The following CLEC4C variants were observed in gnomAD, a reference collection of about 807,000 sequenced individuals.
CLEC4C encodes C-type (calcium dependent, carbohydrate-recognition domain) lectin, superfamily member 11.
In CLEC4C, 17 loss-of-function variants were observed where a neutral mutation model predicts 27.7. That is an observed-to-expected ratio of 0.61 (90% CI 0.42 to 0.92). The LOEUF (loss-of-function observed/expected upper bound fraction) is 0.92. Among genes scored for constraint, CLEC4C ranks in the 40% least tolerant of loss-of-function variants. CLEC4C has a pLI of 0.00. For synonymous variants in CLEC4C, 80 were observed against 80.8 expected (o/e 0.99, Z 0.06); for missense variants, 244 against 257.3 (o/e 0.95, Z 0.35).
intron 2 of CLEC4C, 134 bp downstream of exon 2, chr12:7,746,197 G>C: frequency 1.7e-6 from 1 of 583,222 alleles, no homozygotes; most frequent in Non-Finnish European, 2.9e-6. Context: ...CTGGGCGACA[G>C]AGCGAGATTC....
At position 7,747,358 on chromosome 12, in the gene CLEC4C, G is replaced by A. The variant is rs766316781; in HGVS notation, c.-10C>T. On this transcript the variant is annotated 5_prime_UTR_variant, in exon 1 of 6. Transcript: ENST00000360345. ...CTTCTTCAGGCACCATTGTGTGTGC[G>A]CACACCCTTTGGACTTCCTCTATCA... is the stretch of plus-strand genomic sequence containing the variant. The A allele has an allele frequency of 1.1e-5, 17 of 1,613,614 alleles. No individual in the cohort carries two copies. The highest frequency in any genetic ancestry group is 6.7e-5 in the East Asian group (3 of 44,852).
chr12:7,730,738 A>G, intron 5 of CLEC4C, 59 bp downstream of exon 5: 1 of 818,532 alleles, frequency 1.2e-6, no homozygotes, highest in East Asian at 2.5e-5. Context: ...TAGCTGATGG[A>G]ACACCCTAAA....
chr12:7,747,439 G>A, upstream of CLEC4C: 1 of 1,371,082 alleles, frequency 7.3e-7, no homozygotes, highest in South Asian at 1.2e-5. Flanking sequence ...TTCGGGGTGT[G>A]GTTCTTTCAA....
At chr12:7,743,212 G>C (rs1287112866) in intron 2 of CLEC4C, among the ~76,000 whole-genome samples, 3 of 152,008 alleles carry the variant, frequency 2.0e-5, no homozygotes, top group East Asian at 1.9e-4. Flanking sequence ...TTTTTCCATA[G>C]TTTTCTGATG....
Position 7,729,684 on chromosome 12 carries a change from A to T in CLEC4C, c.554T>A (p.Phe185Tyr). The part of the protein sequence containing the change: ...NLDERCAIIN[F>Y]RSSEEWGWND... ...CCAGCCCCATTCTTCTGAAGAACGGAAATTTATTATCGCACAACGCTCATC... is the reference window on the plus strand; with the variant it reads ...CCAGCCCCATTCTTCTGAAGAACGGTAATTTATTATCGCACAACGCTCATC... Residue 185 changes from phenylalanine to tyrosine, a missense_variant, in exon 6 of 6, where the codon TTC becomes TAC. Phe to Tyr is a conservative substitution (Grantham distance 22). Transcript: ENST00000360345. 1.9e-6 allele frequency: 3 copies of T among 1,613,740 alleles called. No individual in the cohort carries two copies. In the Middle Eastern group the frequency reaches 4.9e-4, roughly 266 times the overall value.
intron 2 of CLEC4C, 30 bp downstream of exon 2, chr12:7,746,301 G>A: frequency 7.9e-7 from 1 of 1,266,266 alleles, no homozygotes; most frequent in Non-Finnish European, 1.1e-6. Flanking sequence ...AAAGGACCAA[G>A]AGATGACTGC....
intron 2 of CLEC4C, among the ~76,000 whole-genome samples, chr12:7,743,903 G>A (rs1444334882): frequency 6.6e-6 from 1 of 152,144 alleles, no homozygotes; most frequent in East Asian, 1.9e-4. Flanking sequence ...AGTAAGTATG[G>A]TGCCAGCATC....
At chr12:7,747,093 G>A (rs1055215718) in intron 1 of CLEC4C, among the ~76,000 whole-genome samples, 1 of 152,204 alleles carries the variant, frequency 6.6e-6, no homozygotes, top group Non-Finnish European at 1.5e-5. Context: ...CAAAGTGCTG[G>A]ATTACAGGCG....
intron 5 of CLEC4C, 32 bp downstream of exon 5, chr12:7,730,765 A>T: frequency 9.1e-7 from 1 of 1,096,878 alleles, no homozygotes; most frequent in South Asian, 1.2e-5. Flanking sequence ...CATGATCAGG[A>T]CCCAGTGTCC....
chr12:7,733,142 G>A (rs1334039862), intron 4 of CLEC4C, among the ~76,000 whole-genome samples: 1 of 151,874 alleles, frequency 6.6e-6, no homozygotes, highest in African/African-American at 2.4e-5. Flanking sequence ...GAAAGATAAA[G>A]TTGTCAAACG....
chr12:7,746,631 A>C (rs1864989225), intron 1 of CLEC4C, among the ~76,000 whole-genome samples: 1 of 152,220 alleles, frequency 6.6e-6, no homozygotes, highest in Non-Finnish European at 1.5e-5. Flanking sequence ...AAATCCAGGC[A>C]AAACTCTCAG....
chr12:7,746,916 C>A (rs1864995527), intron 1 of CLEC4C, among the ~76,000 whole-genome samples: 1 of 152,204 alleles, frequency 6.6e-6, no homozygotes, highest in Admixed American at 6.5e-5. Flanking sequence ...CCTCCGCCTC[C>A]CAGGTTCAAG....
At chr12:7,732,838 A>C (rs889018363) in intron 4 of CLEC4C, among the ~76,000 whole-genome samples, 1 of 147,306 alleles carries the variant, frequency 6.8e-6, no homozygotes, top group Non-Finnish European at 1.5e-5. Flanking sequence ...GCAGGCAGCT[A>C]CTCAGGAGGC....
intron 3 of CLEC4C, among the ~76,000 whole-genome samples, chr12:7,739,014 A>G (rs1196888122): frequency 7.3e-6 from 1 of 137,374 alleles, no homozygotes. Context: ...CCTGTGTCCA[A>G]GTGTTCTCAT....
intron 2 of CLEC4C, among the ~76,000 whole-genome samples, chr12:7,742,694 C>T (rs908072239): frequency 5.9e-5 from 9 of 151,674 alleles, no homozygotes; most frequent in Non-Finnish European, 1.3e-4. Context: ...CTATTAATCC[C>T]AGCTACTCAG....
At chr12:7,743,841 G>A (rs1864915355) in intron 2 of CLEC4C, among the ~76,000 whole-genome samples, 1 of 152,044 alleles carries the variant, frequency 6.6e-6, no homozygotes, top group South Asian at 2.1e-4. Flanking sequence ...CCTGAGACTT[G>A]GTATTTATAA....
rs759638243 is a variant in CLEC4C, at chr12:7,737,410, C to T, written c.381+19G>A. On this transcript the variant is annotated intron_variant, in intron 4 of 5. Coordinates refer to ENST00000360345, the MANE Select transcript of CLEC4C (RefSeq NM_001371390.1). ...GAAAGGAAACAGATTAGCTGACCAC[C>T]TTGCCTGTTAGAACATACCTGTTCT... 13 of 1,588,530 alleles carry T rather than the reference C, an allele frequency of 8.2e-6. No homozygotes were observed. In the African/African-American group the frequency reaches 1.6e-4, roughly 20 times the overall value.
chr12:7,749,223 C>T (rs1565465983), upstream of CLEC4C: 2 of 152,200 alleles, frequency 1.3e-5, no homozygotes, highest in Non-Finnish European at 2.9e-5. Flanking sequence ...GTGAGGTGGC[C>T]CCTTGGCTCT....
chr12:7,741,308 C>T (rs1864848688), intron 3 of CLEC4C, 113 bp downstream of exon 3: 3 of 666,274 alleles, frequency 4.5e-6, no homozygotes, highest in African/African-American at 1.8e-5. Context: ...TTAAAGAATG[C>T]AGTAGGAAAA....
Sources: allele counts gnomAD v4.1 joint callset (sites outside exome capture counted in the v4.1 genomes callset), GRCh38; gene constraint gnomAD v4.1.1; transcripts MANE v1.5; gene names NCBI Gene and HGNC (gene_info 2026-07-23, HGNC 2026-07-21).